The following PCDHA8 variants were observed in gnomAD, a reference collection of about 807,000 sequenced individuals.
PCDHA8 encodes the protein protocadherin alpha 8, also known as protocadherin alpha-8.
PCDHA8 carries 53 observed loss-of-function variants against 61.8 expected under a neutral mutation model. The ratio of observed to expected loss-of-function variants is 0.86; its 90% CI spans 0.69 to 1.08. PCDHA8 has a LOEUF of 1.08. Ranked by LOEUF, PCDHA8 falls within the 50% of genes least tolerant of loss-of-function variation. The pLI is 0.00. For synonymous variants in PCDHA8, 618 were observed against 556.6 expected, an observed-to-expected ratio of 1.11 and a Z score of -1.55; for missense variants, 1,293 against 1,245.0, an observed-to-expected ratio of 1.04 and a Z score of -0.58.
intron 1 of PCDHA8, chr5:140,875,605 G>T (rs782421314): frequency 3.5e-5 from 57 of 1,613,756 alleles, no homozygotes; most frequent in Admixed American, 1.3e-4. Context: ...CGGCACCTTC[G>T]TGGGCCGCAT....
chr5:140,913,237 C>A (rs2076260841), intron 1 of PCDHA8, among the ~76,000 whole-genome samples: 1 of 152,080 alleles, frequency 6.6e-6, no homozygotes, highest in Non-Finnish European at 1.5e-5. Context: ...TGCTGGGAGA[C>A]TTTTTGTTAC....
rs2067929537 is a variant in PCDHA8 at position 140,900,315 on chromosome 5, T to C, written c.2394+56600T>C. Among the ~76,000 whole-genome samples the C allele has an allele frequency of 2.0e-5, 3 of 152,186 alleles. No homozygotes were observed. The East Asian group carries it at 5.8e-4, about 29-fold the overall frequency. On this transcript the variant is annotated intron_variant, in intron 1 of 3. Transcript: ENST00000531613. ...GTTTTTTTAGACAGTCTCACTTTTG[T>C]CGCCCAGGCTGGAGTACCGTGGCGC...
At chr5:140,876,207 C>A (rs251377) in intron 1 of PCDHA8, 776,282 of 1,613,510 alleles carry the variant, frequency 0.48, 188,573 homozygotes, top group South Asian at 0.57. Flanking sequence ...TTGATAAGCC[C>A]AGCTATAAAG....
In PCDHA8 at chr5:140,967,673, C is replaced by T. The variant is rs1563368144; in HGVS notation, c.2395-11276C>T. On this transcript the variant is annotated intron_variant, in intron 1 of 3. Transcript: ENST00000531613. ...CTCCTTGAGCAGCTACACGTCGGAC[C>T]GGGAGAGGCAGCTCTTCAGCATAGA... The T allele has an allele frequency of 2.5e-6, 4 of 1,614,130 alleles. No homozygotes were observed. In the East Asian group the frequency reaches 6.7e-5, roughly 27 times the overall value.
intron 3 of PCDHA8, among the ~76,000 whole-genome samples, chr5:141,000,414 TA>T (rs1441995674): frequency 2.8e-4 from 28 of 99,544 alleles, no homozygotes; most frequent in African/African-American, 3.7e-4. Flanking sequence ...TATATATATA[TA>T]TATATATTTT....
rs530453384 is a variant in PCDHA8, at chr5:140,891,358, GA to G, written c.2394+47644del. Among the ~76,000 whole-genome samples the G allele has an allele frequency of 3.0e-3, 462 of 152,158 alleles. 1 individual carries two copies. Among genetic ancestry groups the G allele is most frequent in the Non-Finnish European group, 4.7e-3 (320 of 67,992 alleles). On this transcript the variant is annotated intron_variant, in intron 1 of 3. Transcript: ENST00000531613. ...TGAGATTTTGGTGCATCCATCACCT[GA>G]GCAGTATACATTGCACCATATTTGC...
At chr5:140,877,654 A>T in intron 1 of PCDHA8, 1 of 1,613,490 alleles carries the variant, frequency 6.2e-7, no homozygotes, top group South Asian at 1.1e-5. Flanking sequence ...AGCGCCGCCC[A>T]CCGTGAGCCG....
At chr5:140,927,189 G>T in intron 1 of PCDHA8, 1 of 1,614,150 alleles carries the variant, frequency 6.2e-7, no homozygotes. Flanking sequence ...CCTACGACCT[G>T]GTGCTCGAGG....
At chr5:140,915,699 C>G (rs1321126272) in intron 1 of PCDHA8, among the ~76,000 whole-genome samples, 1 of 151,944 alleles carries the variant, frequency 6.6e-6, no homozygotes, top group Non-Finnish European at 1.5e-5. Context: ...GTGATGCAAG[C>G]ACTCCTGTGG....
chr5:140,909,769 C>T (rs1213208977), intron 1 of PCDHA8, among the ~76,000 whole-genome samples: 2 of 152,104 alleles, frequency 1.3e-5, no homozygotes, highest in Non-Finnish European at 2.9e-5. Flanking sequence ...AGTCCAGGGA[C>T]CCACTGGACC....
At chr5:140,890,923 C>T (rs535912661) in intron 1 of PCDHA8, among the ~76,000 whole-genome samples, 1 of 152,202 alleles carries the variant, frequency 6.6e-6, no homozygotes, top group East Asian at 1.9e-4. Context: ...TTGAGAGTTT[C>T]CTTTAGTCCA....
Position 140,925,082 on chromosome 5 carries a change from A to AAAGGAAGG in PCDHA8, c.2395-53849_2395-53842dup, listed in dbSNP as rs138596875. 2.5e-3 allele frequency among the ~76,000 whole-genome samples: 363 copies of AAAGGAAGG among 147,386 alleles called. 3 individuals carry two copies. The highest frequency in any genetic ancestry group is 8.0e-3 in the African/African-American group (310 of 38,948). ...GCAACAAAGCAACACGCTCATCTGG[A>AAAGGAAGG]AAGGAAGGAAGGAAGGAAGGAAGGA... On this transcript the variant is annotated intron_variant, in intron 1 of 3. Transcript: ENST00000531613.
intron 1 of PCDHA8, chr5:140,884,795 T>C: frequency 7.8e-7 from 1 of 1,280,270 alleles, no homozygotes; most frequent in South Asian, 1.7e-5. Context: ...TGTTATCGAA[T>C]TTAACAACTC....
At chr5:140,849,666 C>T (rs2041028520) in intron 1 of PCDHA8, 2 of 1,598,568 alleles carry the variant, frequency 1.3e-6, no homozygotes, top group African/African-American at 1.3e-5. Context: ...CTCCCTGACG[C>T]CCCACGTCCC....
intron 3 of PCDHA8, among the ~76,000 whole-genome samples, chr5:141,006,464 C>T (rs1243356826): frequency 5.9e-5 from 9 of 152,100 alleles, no homozygotes; most frequent in African/African-American, 1.7e-4. Context: ...CTGCCTGTCT[C>T]GGCCTCCCAA....
At position 140,960,518 on chromosome 5, in the gene PCDHA8, G is replaced by A. The variant is rs555475003; in HGVS notation, c.2395-18431G>A. Among the ~76,000 whole-genome samples the A allele has an allele frequency of 2.6e-5, 4 of 152,176 alleles. No homozygotes were observed. The East Asian group carries it at 7.7e-4, about 29-fold the overall frequency. ...TTTGTTCCAAGCAGCAAACATAATG[G>A]GTATAGGAAAGAGAAACTGTGGCCT... On this transcript the variant is annotated intron_variant, in intron 1 of 3. Coordinates refer to ENST00000531613, the MANE Select transcript of PCDHA8 (RefSeq NM_018911.3).
At chr5:141,000,238 G>T (rs111531743) in intron 3 of PCDHA8, among the ~76,000 whole-genome samples, 3 of 151,558 alleles carry the variant, frequency 2.0e-5, no homozygotes, top group African/African-American at 7.3e-5. Flanking sequence ...GCTGAATGTG[G>T]TGGCTGACAC....
chr5:140,886,413 C>T (rs1465937681), intron 1 of PCDHA8, among the ~76,000 whole-genome samples: 1 of 152,042 alleles, frequency 6.6e-6, no homozygotes, highest in Non-Finnish European at 1.5e-5. Flanking sequence ...ATGTTTTCCT[C>T]CTATATTATT....
chr5:140,846,597 A>G (rs930246175), intron 1 of PCDHA8, among the ~76,000 whole-genome samples: 2 of 148,430 alleles, frequency 1.3e-5, no homozygotes, highest in Non-Finnish European at 3.0e-5. Context: ...GATGGTCTCG[A>G]TCTCCTGACC....
Sources: allele counts gnomAD v4.1 joint callset (sites outside exome capture counted in the v4.1 genomes callset), GRCh38; gene constraint gnomAD v4.1.1; transcripts MANE v1.5; gene names NCBI Gene and HGNC (gene_info 2026-07-23, HGNC 2026-07-21).